NCAM1: variants seen among roughly 807,000 people sequenced by gnomAD.
NCAM1 encodes antigen recognized by monoclonal antibody 5.1H11.
Under a neutral mutation model 109.8 loss-of-function variants are expected in NCAM1, and 14 were observed. That is an observed-to-expected ratio of 0.13 (90% CI 0.08 to 0.20). The LOEUF (loss-of-function observed/expected upper bound fraction) is 0.20. Among genes scored for constraint, NCAM1 ranks in the 10% least tolerant of loss-of-function variants. NCAM1 has a pLI of 1.00. For missense variants in NCAM1, 774 were observed against 1,109.9 expected, an observed-to-expected ratio of 0.70 and a Z score of 4.30; for synonymous variants, 418 against 442.9, an observed-to-expected ratio of 0.94 and a Z score of 0.70.
chr11:113,178,807 A>T (rs1385182161), intron 1 of NCAM1, among the ~76,000 whole-genome samples: 1 of 152,194 alleles, frequency 6.6e-6, no homozygotes, highest in East Asian at 1.9e-4. Flanking sequence ...GAGTGATGAC[A>T]CATGGCAGAT....
At chr11:113,044,029 A>ATATTT (rs1203580282) in intron 1 of NCAM1, among the ~76,000 whole-genome samples, 2 of 152,106 alleles carry the variant, frequency 1.3e-5, no homozygotes, top group East Asian at 1.9e-4. Flanking sequence ...AGCCTCGGTA[A>ATATTT]TATTTGATCA....
chr11:113,045,284 T>G (rs1413082446), intron 1 of NCAM1, among the ~76,000 whole-genome samples: 1 of 152,166 alleles, frequency 6.6e-6, no homozygotes, highest in Non-Finnish European at 1.5e-5. Context: ...GTCATGGCCT[T>G]CCTGAGAAGA....
intron 1 of NCAM1, among the ~76,000 whole-genome samples, chr11:113,113,853 C>T (rs1940560713): frequency 6.6e-6 from 1 of 152,078 alleles, no homozygotes; most frequent in African/African-American, 2.4e-5. Context: ...TTAAAATCAA[C>T]CTTGTGTTTG....
Position 113,260,164 on chromosome 11 carries a change from C to A in NCAM1, c.1972C>A (p.Pro658Thr), listed in dbSNP as rs1555123038. 6.2e-7 allele frequency: 1 copy of A among 1,612,364 alleles called. No individual in the cohort carries two copies. Among genetic ancestry groups the A allele is most frequent in the Admixed American group, 1.7e-5 (1 of 59,632 alleles). Residue 658 changes from proline to threonine, a missense_variant, in exon 17 of 20, where the codon CCA becomes ACA. Pro to Thr is a conservative substitution (Grantham distance 38). Transcript: ENST00000316851. The stretch of plus-strand genomic sequence containing the variant: ...CCAGAAGCTCTCCTCCGAGTGGAAA[C>A]CAGAGATCAGGCTCCCGTCTGGCAG... ...RYRALSSEWK[P>T]EIRLPSGSDH...
chr11:113,235,352 T>C lies in NCAM1; in HGVS notation c.1825+188T>C, dbSNP rs782062071. On this transcript the variant is annotated intron_variant, in intron 14 of 19. Coordinates refer to ENST00000316851, the MANE Select transcript of NCAM1 (RefSeq NM_181351.5). ...GACAGCTAACACACAGTCCCTTCATTCTCTCTTTCTCCAAGGGGTTGGGGA... is the reference window on the plus strand; with the variant it reads ...GACAGCTAACACACAGTCCCTTCATCCTCTCTTTCTCCAAGGGGTTGGGGA... 2.4e-6 allele frequency: 3 copies of C among 1,254,316 alleles called. No homozygotes were observed. The East Asian group carries it at 7.0e-5, about 29-fold the overall frequency. The allele number at this position is 1,254,316 out of a possible 1,614,324, so 77.7% of individuals were successfully genotyped here. A position where few individuals can be genotyped will look rare whatever the true frequency, so the allele number is the denominator to read the frequency against.
At chr11:112,993,588 T>A (rs1215781145) in intron 1 of NCAM1, among the ~76,000 whole-genome samples, 2 of 152,214 alleles carry the variant, frequency 1.3e-5, no homozygotes, top group Admixed American at 1.3e-4. Context: ...CAGCTCTCCT[T>A]TTTGTCATTC....
intron 1 of NCAM1, among the ~76,000 whole-genome samples, chr11:113,072,885 AT>A (rs1371677204): frequency 2.6e-5 from 4 of 151,014 alleles, no homozygotes; most frequent in Admixed American, 6.6e-5. Context: ...CATCTTAACC[AT>A]TTTTAAGTGT....
chr11:113,149,022 A>G (rs1942124433), intron 1 of NCAM1, among the ~76,000 whole-genome samples: 1 of 152,222 alleles, frequency 6.6e-6, no homozygotes, highest in Admixed American at 6.5e-5. Context: ...ACCAAAGTGG[A>G]ACATCACTTT....
chr11:113,153,234 G>T (rs993833774), intron 1 of NCAM1, among the ~76,000 whole-genome samples: 1 of 152,102 alleles, frequency 6.6e-6, no homozygotes, highest in Admixed American at 6.5e-5. Context: ...GTAGAGATGA[G>T]TTTTCACTAT....
intron 1 of NCAM1, among the ~76,000 whole-genome samples, chr11:113,125,576 G>C (rs893685772): frequency 1.3e-5 from 2 of 152,182 alleles, no homozygotes; most frequent in African/African-American, 4.8e-5. Context: ...AAATTGTTCA[G>C]CAGCAGTGGC....
At chr11:113,231,066 T>A in intron 9 of NCAM1, 1 of 873,224 alleles carries the variant, frequency 1.1e-6, no homozygotes, top group Middle Eastern at 2.2e-4. Flanking sequence ...TGGCTCCTGA[T>A]CTTTGAGTTG....
intron 1 of NCAM1, among the ~76,000 whole-genome samples, chr11:113,045,045 C>T (rs1555080569): frequency 1.3e-5 from 2 of 152,174 alleles, no homozygotes; most frequent in Non-Finnish European, 2.9e-5. Flanking sequence ...TGAGCCACTG[C>T]GCCCGGCCCT....
chr11:113,227,810 T>C (rs1944894783), intron 9 of NCAM1, among the ~76,000 whole-genome samples: 2 of 152,188 alleles, frequency 1.3e-5, no homozygotes, highest in Admixed American at 6.5e-5. Context: ...ATCCAGCATA[T>C]AAACAGAACC....
intron 16 of NCAM1, among the ~76,000 whole-genome samples, chr11:113,259,652 G>A (rs1012733847): frequency 6.7e-6 from 1 of 149,844 alleles, no homozygotes; most frequent in African/African-American, 2.5e-5. Flanking sequence ...CTCCTGACCT[G>A]TGCAATTTTT....
At chr11:113,154,845 G>A (rs1447303838) in intron 1 of NCAM1, among the ~76,000 whole-genome samples, 1 of 152,268 alleles carries the variant, frequency 6.6e-6, no homozygotes, top group East Asian at 1.9e-4. Context: ...TGCACCTAGG[G>A]GAGAACCCCT....
At position 113,010,974 on chromosome 11, in the gene NCAM1, A is replaced by G. The variant is rs1952034142; in HGVS notation, c.52+49310A>G. Among the ~76,000 whole-genome samples the G allele has an allele frequency of 2.6e-5, 4 of 151,630 alleles. No individual in the cohort carries two copies. In the South Asian group the frequency reaches 8.4e-4, roughly 32 times the overall value. ...TTACTTGGGGTAGGATTTTTTTTTT[A>G]ACTATACTTTAAGTTTTAGGGTACA... On this transcript the variant is annotated intron_variant, in intron 1 of 19. Coordinates refer to ENST00000316851, the MANE Select transcript of NCAM1 (RefSeq NM_181351.5).
intron 15 of NCAM1, among the ~76,000 whole-genome samples, chr11:113,247,021 T>C (rs1183848970): frequency 5.9e-5 from 9 of 152,278 alleles, no homozygotes; most frequent in African/African-American, 1.4e-4. Context: ...CACTTGGCAA[T>C]TACCATGAAT....
chr11:113,009,651 G>A (rs1022554261), intron 1 of NCAM1, among the ~76,000 whole-genome samples: 5 of 152,024 alleles, frequency 3.3e-5, no homozygotes, highest in Admixed American at 2.6e-4. Flanking sequence ...TCCTCTCTAG[G>A]ACTCATCTCT....
intron 16 of NCAM1, among the ~76,000 whole-genome samples, chr11:113,259,735 G>A (rs1257380681): frequency 8.9e-6 from 1 of 112,898 alleles, no homozygotes; most frequent in Admixed American, 1.2e-4. Flanking sequence ...ACAGAGTCTT[G>A]CTCTGTCACC....
Sources: allele counts gnomAD v4.1 joint callset (sites outside exome capture counted in the v4.1 genomes callset), GRCh38; gene constraint gnomAD v4.1.1; transcripts MANE v1.5; gene names NCBI Gene and HGNC (gene_info 2026-07-23, HGNC 2026-07-21).